The following GRIK4 variants were observed in gnomAD, a reference collection of about 807,000 sequenced individuals.
GRIK4 encodes the protein glutamate ionotropic receptor kainate type subunit 4, also known as glutamate receptor ionotropic, kainate 4.
GRIK4 carries 40 observed loss-of-function variants against 104.9 expected under a neutral mutation model. That is an observed-to-expected ratio of 0.38 (90% CI 0.30 to 0.50). GRIK4 has a LOEUF of 0.50. Among genes scored for constraint, GRIK4 ranks in the 20% least tolerant of loss-of-function variants. GRIK4 has a pLI of 0.93. For synonymous variants in GRIK4, 485 were observed against 524.9 expected (o/e 0.92, Z 1.04); for missense variants, 1,047 against 1,308.1 (o/e 0.80, Z 3.08).
At chr11:120,636,976 G>A (rs895357842) in intron 1 of GRIK4, among the ~76,000 whole-genome samples, 2 of 152,246 alleles carry the variant, frequency 1.3e-5, no homozygotes, top group Non-Finnish European at 2.9e-5. Flanking sequence ...GCCCCCCAGT[G>A]ATAAGCTGGT....
intron 3 of GRIK4, among the ~76,000 whole-genome samples, chr11:120,772,180 G>A (rs917011521): frequency 2.0e-5 from 3 of 152,128 alleles, no homozygotes; most frequent in African/African-American, 4.8e-5. Context: ...TGAGTCAGAA[G>A]ATTATTGTCT....
chr11:120,771,206 A>C (rs1374111432), intron 3 of GRIK4, among the ~76,000 whole-genome samples: 1 of 152,150 alleles, frequency 6.6e-6, no homozygotes, highest in Non-Finnish European at 1.5e-5. Flanking sequence ...CTTTGTAGAG[A>C]TTAGCTAAGT....
rs568622326 is a variant in GRIK4 at position 120,832,186 on chromosome 11, C to T, written c.690+156C>T. Among the ~76,000 whole-genome samples the T allele has an allele frequency of 9.2e-5, 14 of 152,186 alleles. No individual in the cohort carries two copies. In the South Asian group the frequency reaches 2.9e-3, roughly 32 times the overall value. On this transcript the variant is annotated intron_variant, in intron 7 of 20. Transcript: ENST00000527524. ...GCTTCTGTTTTCAATGAGCGGTTCC[C>T]GAAAAATGAAAGAAGAAAGCAGGGT... is the stretch of plus-strand genomic sequence containing the variant.
At chr11:120,832,942 C>T (rs997987753) in intron 7 of GRIK4, among the ~76,000 whole-genome samples, 3 of 152,168 alleles carry the variant, frequency 2.0e-5, no homozygotes, top group East Asian at 1.9e-4. Flanking sequence ...CCTCTCCAGG[C>T]GCACTGGCCT....
At chr11:120,751,576 G>C (rs371483835) in intron 3 of GRIK4, among the ~76,000 whole-genome samples, 2 of 152,174 alleles carry the variant, frequency 1.3e-5, no homozygotes, top group Non-Finnish European at 2.9e-5. Context: ...GGGTGGGTTT[G>C]GGGGAAGGGC....
chr11:120,929,022 CATGTGT>C lies in GRIK4; in HGVS notation c.1477-11324_1477-11319del, dbSNP rs1221871595. 2.1e-4 allele frequency among the ~76,000 whole-genome samples: 32 copies of C among 149,034 alleles called. No individual in the cohort carries two copies. In the East Asian group the frequency reaches 4.1e-3, roughly 19 times the overall value. On this transcript the variant is annotated intron_variant, in intron 13 of 20. Coordinates refer to ENST00000527524, the MANE Select transcript of GRIK4 (RefSeq NM_014619.5). Reference sequence around the variant, plus strand: ...GCACGCGTGTATGTGTGTGTGCGCACATGTGTGTGTGTGTGTGTGTCTGTGTGTTGG... The same window carrying C: ...GCACGCGTGTATGTGTGTGTGCGCACGTGTGTGTGTGTGTCTGTGTGTTGG...
intron 1 of GRIK4, among the ~76,000 whole-genome samples, chr11:120,551,319 G>T (rs967105926): frequency 6.6e-6 from 1 of 152,118 alleles, no homozygotes; most frequent in Non-Finnish European, 1.5e-5. Flanking sequence ...CTTTTCACCT[G>T]CCCAAGGCAA....
chr11:120,594,569 A>G (rs1295496485), intron 1 of GRIK4, among the ~76,000 whole-genome samples: 1 of 152,224 alleles, frequency 6.6e-6, no homozygotes, highest in African/African-American at 2.4e-5. Context: ...GATCTGGCCC[A>G]TCTAATTCTC....
chr11:120,705,300 C>A (rs971825676), intron 3 of GRIK4, among the ~76,000 whole-genome samples: 41 of 150,692 alleles, frequency 2.7e-4, no homozygotes, highest in Admixed American at 8.0e-4. Flanking sequence ...GGCACAATCT[C>A]GGCTCACTAC....
chr11:120,745,735 T>A (rs754928210), intron 3 of GRIK4, among the ~76,000 whole-genome samples: 2 of 152,208 alleles, frequency 1.3e-5, no homozygotes, highest in Non-Finnish European at 2.9e-5. Context: ...CCCTGAAAGA[T>A]CTTTTGGGAA....
At chr11:120,748,406 G>A (rs553865240) in intron 3 of GRIK4, among the ~76,000 whole-genome samples, 4 of 152,198 alleles carry the variant, frequency 2.6e-5, no homozygotes, top group East Asian at 3.9e-4. Context: ...CAGGCCCCAT[G>A]TCTGTGGGGA....
intron 1 of GRIK4, among the ~76,000 whole-genome samples, chr11:120,567,874 T>C (rs1948350586): frequency 6.6e-6 from 1 of 152,202 alleles, no homozygotes; most frequent in Non-Finnish European, 1.5e-5. Flanking sequence ...ATAAAGATAG[T>C]TGTCTAGCAT....
Position 120,956,402 on chromosome 11 carries a change from G to A in GRIK4, c.1701-378G>A, listed in dbSNP as rs1172858616. Among the ~76,000 whole-genome samples the A allele has an allele frequency of 2.0e-5, 3 of 151,668 alleles. No individual in the cohort carries two copies. The highest frequency in any genetic ancestry group is 4.8e-5 in the African/African-American group (2 of 41,244). ...TATTTTTTAGTAGAGACGGGTTTTC[G>A]CTGTGTTGCCCAGGCTGGTCTCGAA... On this transcript the variant is annotated intron_variant, in intron 15 of 20. Coordinates refer to ENST00000527524, the MANE Select transcript of GRIK4 (RefSeq NM_014619.5). The surrounding 1 kb of genome is among the most constrained non-coding windows in gnomAD (Gnocchi z 4.6).
intron 13 of GRIK4, among the ~76,000 whole-genome samples, chr11:120,916,228 C>T (rs115266918): frequency 7.2e-4 from 109 of 152,302 alleles, no homozygotes; most frequent in African/African-American, 2.5e-3. Flanking sequence ...AAGAAGCTAA[C>T]GCCCAGGAGT....
chr11:120,806,871 A>G (rs1344517017), intron 4 of GRIK4, among the ~76,000 whole-genome samples: 1 of 152,196 alleles, frequency 6.6e-6, no homozygotes, highest in South Asian at 2.1e-4. Flanking sequence ...CACACGGGGC[A>G]TTAATTAATA....
intron 1 of GRIK4, among the ~76,000 whole-genome samples, chr11:120,571,521 A>G (rs577532235): frequency 6.6e-6 from 1 of 152,210 alleles, no homozygotes; most frequent in East Asian, 1.9e-4. Context: ...CTGCACTAGT[A>G]AGTGGCAGAA....
intron 1 of GRIK4, among the ~76,000 whole-genome samples, chr11:120,556,290 C>G (rs1948185136): frequency 6.6e-6 from 1 of 152,250 alleles, no homozygotes; most frequent in Admixed American, 6.5e-5. Context: ...CTTGTTTGTT[C>G]TGCCCTCAAA....
At chr11:120,835,592 C>A (rs1325479172) in intron 7 of GRIK4, among the ~76,000 whole-genome samples, 1 of 152,100 alleles carries the variant, frequency 6.6e-6, no homozygotes, top group Non-Finnish European at 1.5e-5. Flanking sequence ...GGGAGATGAA[C>A]ACTATGTAAG....
chr11:120,895,571 G>A (rs918579365), intron 11 of GRIK4, among the ~76,000 whole-genome samples: 1 of 152,132 alleles, frequency 6.6e-6, no homozygotes, highest in Non-Finnish European at 1.5e-5. Context: ...GGTTAGCCTG[G>A]CCTGCTTAAG....
Sources: allele counts gnomAD v4.1 joint callset (sites outside exome capture counted in the v4.1 genomes callset), GRCh38; gene constraint gnomAD v4.1.1; non-coding constraint Gnocchi (gnomAD v3.1); transcripts MANE v1.5; gene names NCBI Gene and HGNC (gene_info 2026-07-23, HGNC 2026-07-21).